The following EXOC6 variants were observed in gnomAD, a reference collection of about 807,000 sequenced individuals.
The protein encoded by EXOC6 is exocyst complex component 6, also known as SEC15-like 1.
EXOC6 carries 60 observed loss-of-function variants against 112.5 expected under a neutral mutation model. The ratio of observed to expected loss-of-function variants is 0.53; its 90% CI spans 0.43 to 0.66. EXOC6 has a LOEUF of 0.66. EXOC6 is among the 30% of genes least tolerant of loss of function. EXOC6 has a pLI of 0.00. For synonymous variants in EXOC6, 295 were observed against 308.0 expected (o/e 0.96, Z 0.44); for missense variants, 855 against 957.1 (o/e 0.89, Z 1.41).
chr10:92,861,147 T>C (rs1210666974), intron 1 of EXOC6, among the ~76,000 whole-genome samples: 2 of 152,226 alleles, frequency 1.3e-5, no homozygotes, highest in Non-Finnish European at 2.9e-5. Flanking sequence ...TTTGTGCTTC[T>C]CCACACTCTG....
At chr10:92,922,894 T>C (rs549169700) in intron 8 of EXOC6, among the ~76,000 whole-genome samples, 1 of 152,282 alleles carries the variant, frequency 6.6e-6, no homozygotes, top group East Asian at 1.9e-4. Flanking sequence ...TGTGAAGGCT[T>C]TCCAAGGGGC....
intron 5 of EXOC6, chr10:92,901,220 T>C (rs1850149579): frequency 6.6e-6 from 1 of 152,204 alleles, no homozygotes; most frequent in African/African-American, 2.4e-5. Flanking sequence ...TATATTTTTC[T>C]CTTTGCAATT....
chr10:92,836,997 T>C (rs970157660), intron 1 of EXOC6, among the ~76,000 whole-genome samples: 4 of 152,112 alleles, frequency 2.6e-5, no homozygotes, highest in African/African-American at 9.7e-5. Context: ...ACCTAGCTGC[T>C]AGGTGCTAGG....
At chr10:93,023,020 A>T (rs1234448637) in intron 20 of EXOC6, among the ~76,000 whole-genome samples, 3 of 139,258 alleles carry the variant, frequency 2.2e-5, no homozygotes, top group African/African-American at 8.1e-5. Flanking sequence ...TCTGTGATCC[A>T]TTTCTGTCTT....
At chr10:92,831,236 C>T (rs1846469697), upstream of EXOC6, 2 of 849,926 alleles carry the variant, frequency 2.4e-6, no homozygotes, top group African/African-American at 1.7e-5. Context: ...GTGGGGAGAG[C>T]TGAGGAGCAG....
At chr10:92,976,812 C>T (rs535357473) in intron 18 of EXOC6, among the ~76,000 whole-genome samples, 12 of 151,620 alleles carry the variant, frequency 7.9e-5, no homozygotes, top group African/African-American at 2.9e-4. Context: ...AGCACATCTA[C>T]ATTTTGGACA....
At chr10:93,007,288 A>T (rs961250618) in intron 19 of EXOC6, among the ~76,000 whole-genome samples, 18 of 150,196 alleles carry the variant, frequency 1.2e-4, no homozygotes, top group South Asian at 2.1e-4. Flanking sequence ...CTACTCAAAA[A>T]TTTTTTTTTT....
chr10:92,879,572 T>TA (rs35374091), intron 1 of EXOC6, among the ~76,000 whole-genome samples: 19,195 of 152,196 alleles, frequency 0.13, 1,510 homozygotes, highest in Middle Eastern at 0.25. Flanking sequence ...GAATAAATCA[T>TA]AAAAAATCAT....
chr10:92,936,266 G>A (rs1316487764), intron 12 of EXOC6, among the ~76,000 whole-genome samples: 1 of 152,204 alleles, frequency 6.6e-6, no homozygotes, highest in African/African-American at 2.4e-5. Context: ...TTTCTGTTCT[G>A]CCTGTGCTGT....
chr10:92,866,615 G>A (rs1296011615), intron 1 of EXOC6, among the ~76,000 whole-genome samples: 2 of 151,990 alleles, frequency 1.3e-5, no homozygotes, highest in African/African-American at 2.4e-5. Context: ...ATTTGAGCGC[G>A]AGTTTACCTT....
At chr10:92,877,260 T>G (rs1463872151) in intron 1 of EXOC6, among the ~76,000 whole-genome samples, 4 of 152,192 alleles carry the variant, frequency 2.6e-5, no homozygotes, top group African/African-American at 9.6e-5. Flanking sequence ...TATCAGCAAC[T>G]GAAAGACGAT....
At position 93,032,033 on chromosome 10, in the gene EXOC6, G is replaced by C. The variant is rs185427897; in HGVS notation, c.2169+17766G>C. On this transcript the variant is annotated intron_variant, in intron 20 of 21. Coordinates refer to ENST00000260762, the MANE Select transcript of EXOC6 (RefSeq NM_019053.6). ...ACTCTTATGTTCTACCACTTTATAGGGAAATCTGTTATGAATAATTTGTAG... is the reference window on the plus strand; with the variant it reads ...ACTCTTATGTTCTACCACTTTATAGCGAAATCTGTTATGAATAATTTGTAG... Among the ~76,000 whole-genome samples, 455 of 152,210 alleles carry C rather than the reference G, an allele frequency of 3.0e-3. 1 individual carries two copies. Among genetic ancestry groups the C allele is most frequent in the African/African-American group, 0.01 (433 of 41,510 alleles).
At position 92,892,913 on chromosome 10, in the gene EXOC6, A is replaced by G. The variant is rs753237544; in HGVS notation, c.102-436A>G. 5.9e-5 allele frequency among the ~76,000 whole-genome samples: 9 copies of G among 152,202 alleles called. No homozygotes were observed. The South Asian group carries it at 6.2e-4, about 10-fold the overall frequency. On this transcript the variant is annotated intron_variant, in intron 1 of 21. Coordinates refer to ENST00000260762, the MANE Select transcript of EXOC6 (RefSeq NM_019053.6). ...TCTTCTGTAAAACAAGGGTAATAACAATACCTACTTTGTAGCCTTGTTGTG... is the reference window on the plus strand; with the variant it reads ...TCTTCTGTAAAACAAGGGTAATAACGATACCTACTTTGTAGCCTTGTTGTG...
intron 18 of EXOC6, among the ~76,000 whole-genome samples, chr10:92,995,827 GAA>G (rs1446227352): frequency 2.0e-5 from 3 of 152,126 alleles, no homozygotes; most frequent in Non-Finnish European, 2.9e-5. Flanking sequence ...TTTCGATTGA[GAA>G]ATTGACATTC....
At chr10:92,960,532 C>A (rs1001809122) in intron 17 of EXOC6, among the ~76,000 whole-genome samples, 1 of 145,442 alleles carries the variant, frequency 6.9e-6, no homozygotes, top group Non-Finnish European at 1.5e-5. Flanking sequence ...AATCTCTGTA[C>A]TTTCTGTTCA....
chr10:92,909,621 C>T lies in EXOC6; in HGVS notation c.653C>T (p.Ala218Val). Reference sequence around the variant, plus strand: ...CATTCTGACAAAATAGGTGAAACAGCAATGAAACAGGTGAGATTAAAAATA... The same window carrying T: ...CATTCTGACAAAATAGGTGAAACAGTAATGAAACAGGTGAGATTAAAAATA... ...RKHSDKIGETAMKQAQHQKTF... is the reference protein window; with the variant it reads ...RKHSDKIGETVMKQAQHQKTF... Residue 218 changes from alanine to valine, a missense_variant, in exon 6 of 22, where the codon GCA (alanine) becomes GTA (valine). This residue lies in a region of EXOC6 where 405 missense variants were observed against 393.6 expected (regional missense o/e 1.03). Transcript: ENST00000260762. 1.3e-6 allele frequency: 2 copies of T among 1,596,990 alleles called. No individual in the cohort carries two copies. The highest frequency in any genetic ancestry group is 8.6e-7 in the Non-Finnish European group (1 of 1,166,618).
At chr10:93,005,469 A>G (rs900856738) in intron 19 of EXOC6, among the ~76,000 whole-genome samples, 1 of 152,178 alleles carries the variant, frequency 6.6e-6, no homozygotes, top group Non-Finnish European at 1.5e-5. Flanking sequence ...AATACTTATT[A>G]TATATTGGGT....
intron 1 of EXOC6, among the ~76,000 whole-genome samples, chr10:92,877,816 A>G (rs1052829154): frequency 6.6e-6 from 1 of 152,210 alleles, no homozygotes; most frequent in Non-Finnish European, 1.5e-5. Flanking sequence ...ATATATGTAT[A>G]TTACATATTT....
intron 18 of EXOC6, among the ~76,000 whole-genome samples, chr10:92,996,612 A>AG (rs1225276687): frequency 7.9e-5 from 12 of 151,840 alleles, no homozygotes; most frequent in Admixed American, 2.0e-4. Flanking sequence ...GTCTCAAAAA[A>AG]AAAAAAAATT....
Sources: allele counts gnomAD v4.1 joint callset (sites outside exome capture counted in the v4.1 genomes callset), GRCh38; gene constraint gnomAD v4.1.1; regional missense constraint gnomAD v4.1.1; transcripts MANE v1.5; gene names NCBI Gene and HGNC (gene_info 2026-07-23, HGNC 2026-07-21).